SIPA1L3: variants seen among roughly 807,000 people sequenced by gnomAD.
The protein encoded by SIPA1L3 is signal-induced proliferation-associated 1-like protein 3.
Under a neutral mutation model 150.1 loss-of-function variants are expected in SIPA1L3, and 59 were observed. The observed-to-expected ratio is 0.39, with a 90% confidence interval of 0.32 to 0.49. The LOEUF (loss-of-function observed/expected upper bound fraction) is 0.49, where lower values mean the gene tolerates loss of function less well. Ranked by LOEUF, SIPA1L3 falls within the 20% of genes least tolerant of loss-of-function variation. The pLI is 0.86. For synonymous variants in SIPA1L3, 1,070 were observed against 1,077.6 expected (o/e 0.99, Z 0.14); for missense variants, 2,211 against 2,489.5 (o/e 0.89, Z 2.38).
chr19:37,962,970 C>CTTT (rs2046872862), intron 1 of SIPA1L3, among the ~76,000 whole-genome samples: 2 of 98,520 alleles, frequency 2.0e-5, no homozygotes, highest in Non-Finnish European at 4.3e-5. Context: ...AGACTCTTTT[C>CTTT]TCTTTTAAAA....
chr19:38,113,484 G>A (rs1238392429), intron 8 of SIPA1L3, among the ~76,000 whole-genome samples: 2 of 151,968 alleles, frequency 1.3e-5, no homozygotes, highest in African/African-American at 2.4e-5. Flanking sequence ...TTACAAGTTA[G>A]CCAGGCATGC....
At chr19:38,096,998 G>T (rs1338484428) in intron 4 of SIPA1L3, among the ~76,000 whole-genome samples, 1 of 152,182 alleles carries the variant, frequency 6.6e-6, no homozygotes, top group Non-Finnish European at 1.5e-5. Flanking sequence ...TCTCGCAACA[G>T]CATAGCTGCA....
chr19:38,041,214 C>G (rs895551130), intron 2 of SIPA1L3, among the ~76,000 whole-genome samples: 2 of 147,974 alleles, frequency 1.4e-5, no homozygotes, highest in East Asian at 2.0e-4. Flanking sequence ...TCAAGCAATT[C>G]TCCTGCCTCA....
rs779944711 is a variant in SIPA1L3, at chr19:38,047,016, T to A, written c.-311+17860T>A. On this transcript the variant is annotated intron_variant, in intron 2 of 21. Transcript: ENST00000222345. This position sits in a 1 kb window ranked among gnomAD's most constrained non-coding sequence, Gnocchi z 4.7. ...CAGGCGTGGTCCCCACTGCTAAGTA[T>A]GTTATAGGTGTTGACCCACTTAGTC... is the stretch of plus-strand genomic sequence containing the variant. Among the ~76,000 whole-genome samples, 86 of 152,164 alleles carry A rather than the reference T, an allele frequency of 5.7e-4. 1 individual carries two copies. The highest frequency in any genetic ancestry group is 5.2e-4 in the Admixed American group (8 of 15,286).
chr19:37,922,021 A>G (rs1158065960), intron 1 of SIPA1L3, among the ~76,000 whole-genome samples: 6 of 152,000 alleles, frequency 3.9e-5, no homozygotes, highest in Non-Finnish European at 8.8e-5. Context: ...ATTTGTGTGT[A>G]TTTCCCAGTG....
chr19:38,069,381 T>C (rs1457351318), intron 2 of SIPA1L3, among the ~76,000 whole-genome samples: 1 of 152,162 alleles, frequency 6.6e-6, no homozygotes, highest in African/African-American at 2.4e-5. Context: ...CTGTTGACAG[T>C]TGGTCCTCCC....
intron 16 of SIPA1L3, chr19:38,185,711 C>T (rs1017957490): frequency 5.3e-5 from 8 of 152,160 alleles, no homozygotes; most frequent in Non-Finnish European, 8.8e-5. Flanking sequence ...ACCTCCTCTT[C>T]GCATGATGTT....
At chr19:38,083,567 G>A (rs996938380) in intron 3 of SIPA1L3, among the ~76,000 whole-genome samples, 10 of 152,090 alleles carry the variant, frequency 6.6e-5, no homozygotes, top group Non-Finnish European at 1.3e-4. Flanking sequence ...TGGAGTGTCG[G>A]AGGGTGGGGG....
intron 13 of SIPA1L3, among the ~76,000 whole-genome samples, chr19:38,156,898 C>T (rs1244476816): frequency 6.6e-6 from 1 of 152,132 alleles, no homozygotes; most frequent in African/African-American, 2.4e-5. Context: ...GACAGTGGCT[C>T]ACACCTATAA....
chr19:37,973,230 C>T (rs1478106950), intron 1 of SIPA1L3, among the ~76,000 whole-genome samples: 1 of 142,714 alleles, frequency 7.0e-6, no homozygotes, highest in Admixed American at 7.2e-5. Flanking sequence ...GAAAAAAAAG[C>T]GCATCTTTTT....
intron 1 of SIPA1L3, among the ~76,000 whole-genome samples, chr19:37,947,612 G>T (rs895664033): frequency 2.6e-5 from 4 of 152,012 alleles, no homozygotes; most frequent in African/African-American, 9.7e-5. Context: ...GCCAGGCCCT[G>T]GTCTGTCAAG....
At chr19:38,126,440 G>A (rs2145910832) in intron 9 of SIPA1L3, among the ~76,000 whole-genome samples, 1 of 152,020 alleles carries the variant, frequency 6.6e-6, no homozygotes, top group South Asian at 2.1e-4. Context: ...GATTCATAAA[G>A]TTTCTTAAAA....
intron 12 of SIPA1L3, among the ~76,000 whole-genome samples, chr19:38,147,389 C>T (rs1054575625): frequency 2.6e-5 from 4 of 152,074 alleles, no homozygotes; most frequent in African/African-American, 9.7e-5. Context: ...TGATAAAGCC[C>T]AAATTATCTT....
intron 10 of SIPA1L3, among the ~76,000 whole-genome samples, chr19:38,132,801 C>T (rs1169776722): frequency 6.6e-6 from 1 of 151,718 alleles, no homozygotes; most frequent in Non-Finnish European, 1.5e-5. Context: ...GCATGTAGCA[C>T]CACACCTGGC....
chr19:38,015,810 T>G (rs1443820119), intron 1 of SIPA1L3, among the ~76,000 whole-genome samples: 1 of 151,974 alleles, frequency 6.6e-6, no homozygotes, highest in Non-Finnish European at 1.5e-5. Flanking sequence ...GCCTTCTTTC[T>G]GCTGTGTTCG....
In SIPA1L3 at chr19:37,975,227, G is replaced by C. The variant is rs181620084; in HGVS notation, c.-378-53862G>C. 5.3e-5 allele frequency among the ~76,000 whole-genome samples: 8 copies of C among 152,260 alleles called. No homozygotes were observed. In the East Asian group the frequency reaches 1.4e-3, roughly 26 times the overall value. ...TGTGATACATACCAAACAGGAAACA[G>C]AGAGAGAGCGAGGAGAGCATATTAA... On this transcript the variant is annotated intron_variant, in intron 1 of 21. Transcript: ENST00000222345.
intron 12 of SIPA1L3, among the ~76,000 whole-genome samples, chr19:38,149,105 G>GT (rs1971765958): frequency 6.6e-6 from 1 of 152,160 alleles, no homozygotes; most frequent in South Asian, 2.1e-4. Context: ...AGTCTTGTTA[G>GT]TTGGGTGGGG....
chr19:38,092,546 A>G (rs1489305869), intron 4 of SIPA1L3, among the ~76,000 whole-genome samples: 1 of 152,162 alleles, frequency 6.6e-6, no homozygotes, highest in African/African-American at 2.4e-5. Context: ...CAGCACCTAC[A>G]AAACTAGCCG....
intron 10 of SIPA1L3, among the ~76,000 whole-genome samples, chr19:38,139,859 A>G (rs1175184379): frequency 6.6e-6 from 1 of 152,202 alleles, no homozygotes; most frequent in Non-Finnish European, 1.5e-5. Context: ...TCTGGAGGAC[A>G]GGAACGCCAC....
Sources: allele counts gnomAD v4.1 joint callset (sites outside exome capture counted in the v4.1 genomes callset), GRCh38; gene constraint gnomAD v4.1.1; non-coding constraint Gnocchi (gnomAD v3.1); transcripts MANE v1.5; gene names NCBI Gene and HGNC (gene_info 2026-07-23, HGNC 2026-07-21).